Variants in UGT2B4 observed in about 807,000 individuals in gnomAD.
UGT2B4 encodes UDP glucuronosyltransferase family 2 member B4, also known as UDP-glucuronosyltransferase 2B4.
UGT2B4 carries 49 observed loss-of-function variants against 49.8 expected under a neutral mutation model. The ratio of observed to expected loss-of-function variants is 0.98; its 90% CI spans 0.78 to 1.25. UGT2B4 has a LOEUF of 1.25. UGT2B4 is among the 50% of genes most tolerant of loss of function. UGT2B4 has a pLI of 0.00. For missense variants in UGT2B4, 729 were observed against 627.7 expected, an observed-to-expected ratio of 1.16 and a Z score of -1.73; for synonymous variants, 246 against 217.7, an observed-to-expected ratio of 1.13 and a Z score of -1.14.
intron 1 of UGT2B4, among the ~76,000 whole-genome samples, chr4:69,506,987 C>T (rs1728489757): frequency 6.6e-6 from 1 of 152,120 alleles, no homozygotes; most frequent in Admixed American, 6.6e-5. Flanking sequence ...ATGATTATCT[C>T]AATAGATGCA....
At chr4:69,503,702 C>T (rs957003130) in intron 1 of UGT2B4, among the ~76,000 whole-genome samples, 2 of 152,178 alleles carry the variant, frequency 1.3e-5, no homozygotes, top group African/African-American at 4.8e-5. Context: ...CAGCAACCCA[C>T]CCTAATCCAA....
intron 3 of UGT2B4, among the ~76,000 whole-genome samples, chr4:69,487,291 A>G (rs1325802685): frequency 6.6e-6 from 1 of 152,166 alleles, no homozygotes; most frequent in East Asian, 1.9e-4. Flanking sequence ...AGACAAATAT[A>G]CATTTTACTC....
At position 69,525,796 on chromosome 4, in the gene UGT2B4, G is replaced by C. The variant is rs1728970136; in HGVS notation, c.-215C>G. ...TTTAAACAAGTTGACTAACATTTAT[G>C]TTTATATTAAAGAAAGGGCTCCAGG... On this transcript the variant is annotated 5_prime_UTR_variant, in exon 1 of 2. Transcript: ENST00000510114. The C allele has an allele frequency of 4.4e-6, 5 of 1,143,904 alleles. No individual in the cohort carries two copies. In the Admixed American group the frequency reaches 8.2e-5, roughly 19 times the overall value. 70.9% of individuals were successfully genotyped at this position (1,143,904 alleles called of 1,614,324 possible).
chr4:69,521,449 T>C lies in UGT2B4; in HGVS notation c.-106+4238A>G, dbSNP rs147693378. ...ATGTGGGTGACTGCAGCAGAAGCTG[T>C]GTGCAGTACGTCTGGTCCAGCTGCA... On this transcript the variant is annotated intron_variant, in intron 1 of 1. Transcript: ENST00000510114. Among the ~76,000 whole-genome samples, 1,133 of 152,300 alleles carry C rather than the reference T, an allele frequency of 7.4e-3. 15 individuals carry two copies. The highest frequency in any genetic ancestry group is 0.025 in the African/African-American group (1,047 of 41,552).
At chr4:69,485,014 A>G (rs1366357847) in intron 5 of UGT2B4, among the ~76,000 whole-genome samples, 194 bp downstream of exon 5, 1 of 152,138 alleles carries the variant, frequency 6.6e-6, no homozygotes, top group East Asian at 1.9e-4. Flanking sequence ...TCAATAATTG[A>G]TTATTCATTA....
At chr4:69,524,070 G>C (rs1378580292) in intron 1 of UGT2B4, among the ~76,000 whole-genome samples, 1 of 151,966 alleles carries the variant, frequency 6.6e-6, no homozygotes, top group East Asian at 1.9e-4. Flanking sequence ...AATGTTTGTG[G>C]CTGCTTTGAT....
At chr4:69,495,931 A>T, upstream of UGT2B4, 1 of 1,519,772 alleles carries the variant, frequency 6.6e-7, no homozygotes, top group Non-Finnish European at 8.8e-7. Context: ...GACATCCAGT[A>T]TAAATCAGTC....
chr4:69,500,644 A>AG (rs1728290539), upstream of UGT2B4, among the ~76,000 whole-genome samples: 1 of 143,258 alleles, frequency 7.0e-6, no homozygotes, highest in Admixed American at 6.9e-5. Context: ...AAAGAAAGAA[A>AG]GAAAGAAAGA....
intron 2 of UGT2B4, among the ~76,000 whole-genome samples, chr4:69,492,490 C>CA (rs1392719057): frequency 6.6e-6 from 1 of 151,990 alleles, no homozygotes; most frequent in Non-Finnish European, 1.5e-5. Flanking sequence ...ATCTTACTGT[C>CA]AAAACTGATA....
chr4:69,510,982 C>CTTTTTTTT (rs1259714505), intron 1 of UGT2B4, among the ~76,000 whole-genome samples: 5 of 111,004 alleles, frequency 4.5e-5, no homozygotes, highest in Admixed American at 2.2e-4. Context: ...TCTTTCTTTT[C>CTTTTTTTT]TTTTCTTCTT....
upstream of UGT2B4, among the ~76,000 whole-genome samples, chr4:69,498,045 G>A (rs1728211378): frequency 1.3e-5 from 2 of 152,214 alleles, no homozygotes; most frequent in African/African-American, 4.8e-5. Context: ...GCTGAGATGA[G>A]TGTTACTACT....
intron 1 of UGT2B4, 64 bp from the exon 2 acceptor site, chr4:69,493,905 A>G: frequency 6.5e-7 from 1 of 1,538,302 alleles, no homozygotes; most frequent in Non-Finnish European, 8.7e-7. Context: ...TAATTTTCTG[A>G]AAGAAGTTAG....
intron 1 of UGT2B4, among the ~76,000 whole-genome samples, chr4:69,510,116 C>G (rs1728570724): frequency 6.6e-6 from 1 of 152,044 alleles, no homozygotes; most frequent in South Asian, 2.1e-4. Flanking sequence ...ACTGACATTC[C>G]TCATTGAATG....
intron 5 of UGT2B4, among the ~76,000 whole-genome samples, chr4:69,482,556 C>T (rs1174732458): frequency 6.6e-6 from 1 of 152,146 alleles, no homozygotes; most frequent in Non-Finnish European, 1.5e-5. Context: ...AAAGGTCATA[C>T]TTCAGCTTTA....
At chr4:69,509,931 A>G (rs1310108028) in intron 1 of UGT2B4, among the ~76,000 whole-genome samples, 1 of 152,076 alleles carries the variant, frequency 6.6e-6, no homozygotes, top group Non-Finnish European at 1.5e-5. Context: ...AATTGTCCAG[A>G]CCAATGTTAT....
At chr4:69,522,541 A>G (rs1236736185) in intron 1 of UGT2B4, among the ~76,000 whole-genome samples, 6 of 152,236 alleles carry the variant, frequency 3.9e-5, no homozygotes, top group Non-Finnish European at 1.5e-5. Context: ...AAAATAATGT[A>G]CACACCTCAA....
At chr4:69,501,139 G>GCAGA (rs1728309426) in intron 1 of UGT2B4, among the ~76,000 whole-genome samples, 1 of 152,016 alleles carries the variant, frequency 6.6e-6, no homozygotes, top group Non-Finnish European at 1.5e-5. Flanking sequence ...GGATGGAGCT[G>GCAGA]GGGGTTGGGT....
chr4:69,486,679 A>G lies in UGT2B4; in HGVS notation c.1020T>C (p.Asp340=). The stretch of plus-strand genomic sequence containing the variant: ...GTCCTAAAGTATCTGGTTTATTCCC[A>G]TCAAATCTCCACAGAACCTGTTACA... ...KIPQKVLWRF[D]GNKPDTLGLN... Residue 340 remains aspartate, a synonymous_variant, in exon 4 of 6, where the codon GAT becomes GAC. Coordinates refer to ENST00000305107, the MANE Select transcript of UGT2B4 (RefSeq NM_021139.3). The G allele has an allele frequency of 6.2e-7, 1 of 1,607,944 alleles. No homozygotes were observed.
At chr4:69,506,270 C>T (rs1031487709) in intron 1 of UGT2B4, among the ~76,000 whole-genome samples, 10 of 151,330 alleles carry the variant, frequency 6.6e-5, no homozygotes, top group Admixed American at 1.3e-4. Flanking sequence ...AACATTCAAA[C>T]GAAAAATGAA....
Sources: allele counts gnomAD v4.1 joint callset (sites outside exome capture counted in the v4.1 genomes callset), GRCh38; gene constraint gnomAD v4.1.1; transcripts MANE v1.5; gene names NCBI Gene and HGNC (gene_info 2026-07-23, HGNC 2026-07-21).